The following SRGAP2 variants were observed in gnomAD, a reference collection of about 807,000 sequenced individuals.
SRGAP2 encodes SLIT-ROBO Rho GTPase activating protein 2.
SRGAP2 carries 15 observed loss-of-function variants against 57.2 expected under a neutral mutation model. The observed-to-expected ratio is 0.26, with a 90% CI of 0.18 to 0.40. SRGAP2 has a LOEUF of 0.40. Ranked by LOEUF, SRGAP2 falls within the 10% of genes least tolerant of loss-of-function variation. The probability of loss-of-function intolerance (pLI) is 1.00; values close to 1 mark genes in which losing one functional copy is unlikely to be tolerated. For missense variants in SRGAP2, 520 were observed against 669.6 expected, an observed-to-expected ratio of 0.78 and a Z score of 2.47; for synonymous variants, 249 against 248.0, an observed-to-expected ratio of 1.00 and a Z score of -0.04.
chr1:206,393,327 C>T (rs1657198878), intron 6 of SRGAP2, among the ~76,000 whole-genome samples: 1 of 111,476 alleles, frequency 9.0e-6, no homozygotes. Context: ...CAAAGTGGGG[C>T]ACGCATCTTA....
chr1:206,299,776 ATCT>A (rs1322555009), intron 2 of SRGAP2, among the ~76,000 whole-genome samples: 5 of 151,902 alleles, frequency 3.3e-5, no homozygotes, highest in South Asian at 2.1e-4. Context: ...CAAGGGAGGC[ATCT>A]TCTTCTTTCT....
chr1:206,334,488 A>G (rs1316860475), intron 3 of SRGAP2, among the ~76,000 whole-genome samples: 1 of 152,100 alleles, frequency 6.6e-6, no homozygotes, highest in Non-Finnish European at 1.5e-5. Context: ...GTTATGAGCC[A>G]TGTAAGGGGA....
At chr1:206,412,302 A>G (rs1659289810) in intron 10 of SRGAP2, among the ~76,000 whole-genome samples, 1 of 152,248 alleles carries the variant, frequency 6.6e-6, no homozygotes, top group Admixed American at 6.5e-5. Flanking sequence ...ATGGCACTAA[A>G]CAAAATGCCC....
Position 206,454,976 on chromosome 1 carries a change from G to A in SRGAP2, c.2459G>A (p.Cys820Tyr). 1 of 780,926 alleles carries A rather than the reference G, an allele frequency of 1.3e-6. No homozygotes were observed. The highest frequency in any genetic ancestry group is 2.4e-6 in the Non-Finnish European group (1 of 418,000). The allele number at this position is 780,926 out of a possible 1,614,324, so 48.4% of individuals were successfully genotyped here. The stretch of plus-strand genomic sequence containing the variant: ...GTGACAGCCAGAGCGGGGGCCAGCT[G>A]TCCCAGTGGGGGTCATGTAGCCGAT... The part of the protein sequence containing the change: ...EKVTARAGAS[C>Y]PSGGHVADIY... Residue 820 changes from cysteine to tyrosine, a missense_variant, in exon 21 of 23, where the codon TGT (cysteine) becomes TAT (tyrosine). By Grantham distance (194) the Cys-to-Tyr change is radical. Around this residue, in one of 5 missense-constraint regions of SRGAP2, gnomAD observed 478 missense variants for 373.6 expected, o/e 1.28. Coordinates refer to ENST00000573034, the MANE Select transcript of SRGAP2 (RefSeq NM_015326.5). The surrounding 1 kb of genome is among the most constrained non-coding windows in gnomAD (Gnocchi z 4.3).
chr1:206,310,130 T>C (rs1444182049), intron 3 of SRGAP2, among the ~76,000 whole-genome samples: 2 of 151,846 alleles, frequency 1.3e-5, no homozygotes, highest in Non-Finnish European at 2.9e-5. Context: ...CAAACCCAGA[T>C]GTTTTCAATC....
intron 4 of SRGAP2, among the ~76,000 whole-genome samples, chr1:206,350,511 A>AC (rs782408097): frequency 4.6e-5 from 7 of 151,998 alleles, no homozygotes; most frequent in Admixed American, 6.6e-5. Flanking sequence ...CCAAGACCCT[A>AC]CCCCAGCATG....
chr1:206,447,407 G>C (rs567223209), intron 18 of SRGAP2, among the ~76,000 whole-genome samples: 1 of 152,332 alleles, frequency 6.6e-6, no homozygotes, highest in Non-Finnish European at 1.5e-5. Flanking sequence ...TGCCCAAGGA[G>C]TGAAGAAAGT....
chr1:206,266,405 G>A (rs1407212208), intron 2 of SRGAP2, among the ~76,000 whole-genome samples: 1 of 152,028 alleles, frequency 6.6e-6, no homozygotes, highest in African/African-American at 2.4e-5. Context: ...CACCACGCCC[G>A]GCTAATGTTG....
At chr1:206,356,852 G>T in intron 4 of SRGAP2, among the ~76,000 whole-genome samples, 1 of 140,028 alleles carries the variant, frequency 7.1e-6, no homozygotes, top group Non-Finnish European at 1.5e-5. Flanking sequence ...ACCTTTCTTT[G>T]CTTTTAAGCC....
intron 3 of SRGAP2, among the ~76,000 whole-genome samples, chr1:206,324,608 G>A (rs1305944756): frequency 1.5e-4 from 23 of 152,144 alleles, no homozygotes; most frequent in Admixed American, 4.6e-4. Context: ...TGCCCTTGTC[G>A]GGAGTGAGTA....
intron 3 of SRGAP2, among the ~76,000 whole-genome samples, chr1:206,335,050 T>G (rs1359845117): frequency 1.3e-5 from 2 of 150,246 alleles, no homozygotes; most frequent in East Asian, 3.9e-4. Flanking sequence ...CGTATAAATT[T>G]TATGTTCCTC....
chr1:206,218,163 G>A (rs1256835814), intron 2 of SRGAP2, among the ~76,000 whole-genome samples: 1 of 152,038 alleles, frequency 6.6e-6, no homozygotes, highest in African/African-American at 2.4e-5. Context: ...ACAAAAATTA[G>A]CTGGGCATGG....
At chr1:206,438,171 G>GGGTC in intron 16 of SRGAP2, 73 bp downstream of exon 16, 1 of 737,856 alleles carries the variant, frequency 1.4e-6, no homozygotes, top group Non-Finnish European at 2.5e-6. Context: ...AGTTTCCACA[G>GGGTC]GGTCTGTGTG....
At position 206,463,261 on chromosome 1, in the gene SRGAP2, C is replaced by G. The variant is rs972950794; in HGVS notation, c.*1841C>G. 6.6e-6 allele frequency: 1 copy of G among 152,600 alleles called. No individual in the cohort carries two copies. The highest frequency in any genetic ancestry group is 1.9e-4 in the East Asian group (1 of 5,182). The allele number at this position is 152,600 out of a possible 1,614,324, so 9.5% of individuals were successfully genotyped here. ...CCTTTCCAAGTGCTAGGCAGGAGAA[C>G]TGAAGAACTCTTTCAGTGAAGTGAG... On this transcript the variant is annotated 3_prime_UTR_variant, in exon 23 of 23. Transcript: ENST00000573034.
intron 12 of SRGAP2, among the ~76,000 whole-genome samples, chr1:206,420,308 T>C (rs1660185140): frequency 2.0e-5 from 3 of 152,246 alleles, no homozygotes; most frequent in African/African-American, 7.2e-5. Flanking sequence ...CCAGTCTTGA[T>C]GACTGGAGGG....
intron 8 of SRGAP2, among the ~76,000 whole-genome samples, 194 bp downstream of exon 8, chr1:206,401,839 G>A (rs1487555909): frequency 4.6e-5 from 7 of 152,152 alleles, no homozygotes; most frequent in Non-Finnish European, 8.8e-5. Flanking sequence ...CTTGGGTGCA[G>A]ACATGGGGGA....
intron 2 of SRGAP2, among the ~76,000 whole-genome samples, chr1:206,239,680 A>G (rs1221570265): frequency 1.4e-5 from 2 of 146,990 alleles, no homozygotes; most frequent in East Asian, 2.1e-4. Context: ...CTGGTCTTCA[A>G]CTCCCAACCT....
At chr1:206,258,243 C>T (rs1669315789) in intron 2 of SRGAP2, among the ~76,000 whole-genome samples, 1 of 151,956 alleles carries the variant, frequency 6.6e-6, no homozygotes. Flanking sequence ...ACAGTCATAC[C>T]CATGGGTTTG....
chr1:206,417,492 A>G (rs1572099543), intron 11 of SRGAP2, among the ~76,000 whole-genome samples: 1 of 126,692 alleles, frequency 7.9e-6, no homozygotes, highest in Non-Finnish European at 1.6e-5. Context: ...ATCTTGGCTT[A>G]TTGCAAACTC....
Sources: gnomAD v4.1 joint callset for allele counts (sites outside exome capture counted in the v4.1 genomes callset) on GRCh38, gnomAD v4.1.1 for gene constraint, gnomAD v4.1.1 regional missense constraint, Gnocchi (gnomAD v3.1) non-coding constraint, MANE v1.5 for transcripts, NCBI Gene and HGNC (gene_info 2026-07-23, HGNC 2026-07-21) for gene names.